Variants in MICALL1 observed in about 807,000 individuals in gnomAD.
The protein encoded by MICALL1 is MICAL like 1, also known as MICAL-like protein 1.
Under a neutral mutation model 83.7 loss-of-function variants are expected in MICALL1, and 61 were observed. That is an observed-to-expected ratio of 0.73 (90% CI 0.59 to 0.90). The LOEUF is 0.90. MICALL1 is among the 40% of genes least tolerant of loss of function. The probability of loss-of-function intolerance (pLI) is 0.00; values close to 1 mark genes in which losing one functional copy is unlikely to be tolerated. For missense variants in MICALL1, 1,066 were observed against 1,152.0 expected, an observed-to-expected ratio of 0.93 and a Z score of 1.08; for synonymous variants, 481 against 473.6, an observed-to-expected ratio of 1.02 and a Z score of -0.20.
intron 13 of MICALL1, among the ~76,000 whole-genome samples, chr22:37,933,581 G>A (rs956074655): frequency 1.2e-4 from 19 of 152,178 alleles, no homozygotes; most frequent in African/African-American, 4.3e-4. Flanking sequence ...GACAGTGGAC[G>A]TGGACTCTGT....
chr22:37,916,358 G>C (rs1401508680), intron 3 of MICALL1, among the ~76,000 whole-genome samples: 1 of 152,188 alleles, frequency 6.6e-6, no homozygotes, highest in Non-Finnish European at 1.5e-5. Flanking sequence ...AAAAGAAAAG[G>C]TACAGTTTGT....
intron 3 of MICALL1, among the ~76,000 whole-genome samples, chr22:37,915,420 G>T (rs1928615086): frequency 1.3e-5 from 2 of 152,094 alleles, no homozygotes; most frequent in Non-Finnish European, 2.9e-5. Context: ...CCAGACCCCA[G>T]AGGCTCTGGT....
chr22:37,927,709 C>A lies in MICALL1; in HGVS notation c.1764C>A (p.Ser588Arg), dbSNP rs761444701. 4 of 1,613,974 alleles carry A rather than the reference C, an allele frequency of 2.5e-6. No individual in the cohort carries two copies. The African/African-American group carries it at 5.3e-5, about 22-fold the overall frequency. The change falls in exon 9 of 16, where the codon AGC becomes AGA. Residue 588 changes from serine to arginine, a missense_variant. By Grantham distance (110) the Ser-to-Arg change is moderately radical (BLOSUM62 -1). Coordinates refer to ENST00000215957, the MANE Select transcript of MICALL1 (RefSeq NM_033386.4). ...GCCTTGCCCCCAGGACCAGGGGCAG[C>A]TCAGGTCCCCAGCCAGCCAAGCCCT... ...SPGLAPRTRGSSGPQPAKPCS... is the reference protein window; with the variant it reads ...SPGLAPRTRGRSGPQPAKPCS...
In MICALL1 at chr22:37,932,539, G is replaced by C; in HGVS notation, c.2017-14G>C. On this transcript the variant is annotated splice_polypyrimidine_tract_variant and intron_variant, in intron 10 of 15. Coordinates refer to ENST00000215957, the MANE Select transcript of MICALL1 (RefSeq NM_033386.4). The surrounding 1 kb of genome is among the most constrained non-coding windows in gnomAD (Gnocchi z 4.4). ...ACCAGGCAGGCCGTCAGGTGACCAGGCACTGTTGGGCAGGTCCAGGCTGAC... is the reference window on the plus strand; with the variant it reads ...ACCAGGCAGGCCGTCAGGTGACCAGCCACTGTTGGGCAGGTCCAGGCTGAC... 6.2e-7 allele frequency: 1 copy of C among 1,613,346 alleles called. No individual in the cohort carries two copies. The highest frequency in any genetic ancestry group is 8.5e-7 in the Non-Finnish European group (1 of 1,179,486).
chr22:37,928,679 G>A (rs1419591847), intron 9 of MICALL1, among the ~76,000 whole-genome samples: 1 of 152,060 alleles, frequency 6.6e-6, no homozygotes. Flanking sequence ...AGCCTCCCAG[G>A]TCTTATGTAT....
rs1258803502 is a variant in MICALL1, at chr22:37,922,309, C to G, written c.907C>G (p.Pro303Ala). 2 of 1,540,008 alleles carry G rather than the reference C, an allele frequency of 1.3e-6. No individual in the cohort carries two copies. The highest frequency in any genetic ancestry group is 1.4e-5 in the African/African-American group (1 of 73,180). ...LASPPAGRPT[P>A]APRKASESTT... ...CAGCCCCCCTGCGGGCCGCCCCACC[C>G]CTGCCCCCAGGAAGGCCTCTGAGAG... Residue 303 changes from proline (P) to alanine (A), a missense_variant, in exon 6 of 16, where the codon CCT becomes GCT. Physicochemically the swap from Pro to Ala is conservative, Grantham distance 27 (BLOSUM62 -1). Transcript: ENST00000215957.
intron 15 of MICALL1, among the ~76,000 whole-genome samples, chr22:37,939,343 A>G (rs1453977151): frequency 1.3e-5 from 2 of 152,218 alleles, no homozygotes; most frequent in Non-Finnish European, 2.9e-5. Context: ...GTATTAGTCA[A>G]TTTCAAAGGC....
chr22:37,930,467 C>T lies in MICALL1; in HGVS notation c.1882-1332C>T, dbSNP rs1374506032. ...AGCAGCTCCCACCCCGAGAGCCTCTCTCCCTGGGCTGGCACAGGCCTCCAC... is the reference window on the plus strand; with the variant it reads ...AGCAGCTCCCACCCCGAGAGCCTCTTTCCCTGGGCTGGCACAGGCCTCCAC... On this transcript the variant is annotated intron_variant, in intron 9 of 15. Transcript: ENST00000215957. This position sits in a 1 kb window ranked among gnomAD's most constrained non-coding sequence, Gnocchi z 4.8. Among the ~76,000 whole-genome samples, 1 of 152,236 alleles carries T rather than the reference C, an allele frequency of 6.6e-6. No homozygotes were observed. The highest frequency in any genetic ancestry group is 1.5e-5 in the Non-Finnish European group (1 of 68,036).
At position 37,934,133 on chromosome 22, in the gene MICALL1, C is replaced by T. The variant is rs531966927; in HGVS notation, c.2308+1021C>T. Among the ~76,000 whole-genome samples, 7 of 152,330 alleles carry T rather than the reference C, an allele frequency of 4.6e-5. No homozygotes were observed. The East Asian group carries it at 1.4e-3, about 29-fold the overall frequency. On this transcript the variant is annotated intron_variant, in intron 13 of 15. Coordinates refer to ENST00000215957, the MANE Select transcript of MICALL1 (RefSeq NM_033386.4). ...GGCTCCTCTGCCTCCCTGGCTAGCC[C>T]GGCCCCAGGGCTTACTGTGGCTTTT... is the stretch of plus-strand genomic sequence containing the variant.
At chr22:37,935,471 G>T (rs968089143) in intron 13 of MICALL1, among the ~76,000 whole-genome samples, 1 of 150,190 alleles carries the variant, frequency 6.7e-6, no homozygotes, top group Admixed American at 6.7e-5. Context: ...GTGTTAGCCA[G>T]GATGGTCTTG....
intron 3 of MICALL1, among the ~76,000 whole-genome samples, chr22:37,913,433 A>G (rs1460931855): frequency 6.6e-6 from 1 of 152,204 alleles, no homozygotes; most frequent in Non-Finnish European, 1.5e-5. Context: ...CGCTGCATGG[A>G]GTCCACCTCC....
At chr22:37,912,518 G>T (rs763864113) in intron 3 of MICALL1, 26 bp downstream of exon 3, 2 of 1,570,778 alleles carry the variant, frequency 1.3e-6, no homozygotes, top group African/African-American at 1.3e-5. Context: ...AGCGTTTCAC[G>T]GAGGCTGGCC....
At chr22:37,916,663 C>T (rs1282489740) in intron 3 of MICALL1, among the ~76,000 whole-genome samples, 4 of 152,220 alleles carry the variant, frequency 2.6e-5, no homozygotes, top group Admixed American at 1.3e-4. Context: ...TGACCCCGGG[C>T]ACAACAGACA....
rs146567866 is a variant in MICALL1 at position 37,932,670 on chromosome 22, G to A, written c.2134G>A (p.Gly712Ser). 1.3e-4 allele frequency: 215 copies of A among 1,613,892 alleles called. No individual in the cohort carries two copies. The highest frequency in any genetic ancestry group is 1.7e-4 in the Non-Finnish European group (200 of 1,179,948). Residue 712 changes from glycine (G) to serine (S), a missense_variant, in exon 11 of 16, where the codon GGC becomes AGC. Physicochemically the swap from Gly to Ser is moderately conservative, Grantham distance 56 (BLOSUM62 0). Coordinates refer to ENST00000215957, the MANE Select transcript of MICALL1 (RefSeq NM_033386.4). This position sits in a 1 kb window ranked among gnomAD's most constrained non-coding sequence, Gnocchi z 4.4. ...GVLLEEKLRG[G>S]LNEGREDDML... is the part of the protein sequence containing the mutation. Reference sequence around the variant, plus strand: ...GCTGCTGGAGGAGAAGCTGCGTGGCGGCCTGAATGGTGCGGGAGCGGCTGG... The same window carrying A: ...GCTGCTGGAGGAGAAGCTGCGTGGCAGCCTGAATGGTGCGGGAGCGGCTGG...
chr22:37,931,661 C>A, intron 9 of MICALL1, 138 bp from the exon 10 acceptor site: 1 of 992,764 alleles, frequency 1.0e-6, no homozygotes, highest in Non-Finnish European at 1.5e-6. Context: ...AGACGGAATT[C>A]AAGGAGACTG....
Position 37,924,061 on chromosome 22 carries a change from A to G in MICALL1, c.1025-599A>G, listed in dbSNP as rs1437549096. Among the ~76,000 whole-genome samples the G allele has an allele frequency of 3.3e-5, 5 of 152,250 alleles. No individual in the cohort carries two copies. Among genetic ancestry groups the G allele is most frequent in the East Asian group, 3.9e-4 (2 of 5,182 alleles). On this transcript the variant is annotated intron_variant, in intron 6 of 15. Transcript: ENST00000215957. The surrounding 1 kb of genome is among the most constrained non-coding windows in gnomAD (Gnocchi z 5.2). Reference sequence around the variant, plus strand: ...GCTGCTGGGCAGCCCTTATCATTCCATTAGGGAAGGCATTGGTGGCCACGG... The same window carrying G: ...GCTGCTGGGCAGCCCTTATCATTCCGTTAGGGAAGGCATTGGTGGCCACGG...
Position 37,906,433 on chromosome 22 carries a change from C to G in MICALL1, c.11C>G (p.Pro4Arg). 1.7e-6 allele frequency: 2 copies of G among 1,155,478 alleles called. No individual in the cohort carries two copies. Among genetic ancestry groups the G allele is most frequent in the Non-Finnish European group, 2.1e-6 (2 of 938,894 alleles). 71.6% of individuals were successfully genotyped at this position (1,155,478 alleles called of 1,614,324 possible). A position where few individuals can be genotyped will look rare whatever the true frequency, so the allele number is the denominator to read the frequency against. MAG[P>R]RGALLAWCRR... ...GCGGGCCGCGGGGTCATGGCTGGGC[C>G]GCGGGGCGCGCTGCTGGCCTGGTGC... The change falls in exon 1 of 16, where the codon CCG becomes CGG. Residue 4 changes from proline (P) to arginine (R), a missense_variant. Coordinates refer to ENST00000215957, the MANE Select transcript of MICALL1 (RefSeq NM_033386.4). This position sits in a 1 kb window ranked among gnomAD's most constrained non-coding sequence, Gnocchi z 4.4.
intron 5 of MICALL1, among the ~76,000 whole-genome samples, chr22:37,920,676 C>T (rs1419684416): frequency 6.6e-6 from 1 of 151,976 alleles, no homozygotes; most frequent in East Asian, 1.9e-4. Context: ...AATCCCAGCA[C>T]TTTGGGAGGC....
chr22:37,937,062 A>T lies in MICALL1; in HGVS notation c.2309-18A>T. On this transcript the variant is annotated intron_variant, in intron 13 of 15. Coordinates refer to ENST00000215957, the MANE Select transcript of MICALL1 (RefSeq NM_033386.4). ...GCTTTCCTACCACTCATGCCCCCTA[A>T]CTTTTCTCCCTGGGCAGAAAAGGAC... 9.7e-6 allele frequency: 15 copies of T among 1,549,584 alleles called. No individual in the cohort carries two copies. The highest frequency in any genetic ancestry group is 1.2e-5 in the Non-Finnish European group (14 of 1,145,322).
Sources: gnomAD v4.1 joint callset for allele counts (sites outside exome capture counted in the v4.1 genomes callset) on GRCh38, gnomAD v4.1.1 for gene constraint, Gnocchi (gnomAD v3.1) non-coding constraint, MANE v1.5 for transcripts, NCBI Gene and HGNC (gene_info 2026-07-23, HGNC 2026-07-21) for gene names.